Variants in PHF1 observed in about 807,000 individuals in gnomAD.
The protein encoded by PHF1 is polycomb-like 1.
In PHF1, 16 loss-of-function variants were observed where a neutral mutation model predicts 69.4. The observed-to-expected ratio is 0.23, with a 90% CI of 0.16 to 0.35. The LOEUF is 0.35. Among genes scored for constraint, PHF1 ranks in the 10% least tolerant of loss-of-function variants. The probability of loss-of-function intolerance (pLI) is 1.00; values close to 1 mark genes in which losing one functional copy is unlikely to be tolerated. For synonymous variants in PHF1, 274 were observed against 275.0 expected, an observed-to-expected ratio of 1.00 and a Z score of 0.04; for missense variants, 515 against 732.8, an observed-to-expected ratio of 0.70 and a Z score of 3.43.
rs545536336 is a variant in PHF1, at chr6:33,412,248, G to GC, written c.-9dup. On this transcript the variant is annotated splice_region_variant and 5_prime_UTR_variant, in exon 2 of 15. Transcript: ENST00000374516. The surrounding 1 kb of genome is among the most constrained non-coding windows in gnomAD (Gnocchi z 4.2). Reference sequence around the variant, plus strand: ...TCCTCCCCATTTCTTTTCTGGCTAGGCCCCCCCAGGATGCAATGGCGCAGC... The same window carrying GC: ...TCCTCCCCATTTCTTTTCTGGCTAGGCCCCCCCCAGGATGCAATGGCGCAGC... The GC allele has an allele frequency of 7.1e-5, 113 of 1,600,318 alleles. 1 individual carries two copies. The East Asian group carries it at 1.9e-3, about 27-fold the overall frequency.
rs1014869486 is a variant in PHF1, at chr6:33,414,175, A to G, written c.752+66A>G. On this transcript the variant is annotated intron_variant, in intron 8 of 14. Transcript: ENST00000374516. This position sits in a 1 kb window ranked among gnomAD's most constrained non-coding sequence, Gnocchi z 5.0. ...ACAGTATTTCACTCTATATGCCCCA[A>G]CCTCCCACCTCAGGACTCCCCTGGC... 5 of 1,612,972 alleles carry G rather than the reference A, an allele frequency of 3.1e-6. No homozygotes were observed. The African/African-American group carries it at 4.0e-5, about 13-fold the overall frequency.
intron 1 of PHF1, among the ~76,000 whole-genome samples, chr6:33,411,741 G>C (rs981547943): frequency 2.0e-5 from 3 of 152,192 alleles, no homozygotes; most frequent in Non-Finnish European, 4.4e-5. Flanking sequence ...AGGAGAGCCA[G>C]TCACTAGAGT....
rs574314174 is a variant in PHF1 at position 33,416,294 on chromosome 6, A to T, written c.*196A>T. On this transcript the variant is annotated 3_prime_UTR_variant, in exon 15 of 15. Transcript: ENST00000374516. ...TCCTTCATGATTCCTGACCCCTCCC[A>T]TCCTTCCCATTTCCTTTGATGTTAT... The T allele has an allele frequency of 2.0e-6, 1 of 489,410 alleles. No individual in the cohort carries two copies. Among genetic ancestry groups the T allele is most frequent in the South Asian group, 4.3e-5 (1 of 23,254 alleles). The allele number at this position is 489,410 out of a possible 1,614,324, so 30.3% of individuals were successfully genotyped here. A position where few individuals can be genotyped will look rare whatever the true frequency, so the allele number is the denominator to read the frequency against.
In PHF1 at chr6:33,414,184, C is replaced by T; in HGVS notation, c.753-59C>T. ...CACTCTATATGCCCCAACCTCCCACCTCAGGACTCCCCTGGCTCTTAAAAT... is the reference window on the plus strand; with the variant it reads ...CACTCTATATGCCCCAACCTCCCACTTCAGGACTCCCCTGGCTCTTAAAAT... On this transcript the variant is annotated intron_variant, in intron 8 of 14. Transcript: ENST00000374516. The surrounding 1 kb of genome is among the most constrained non-coding windows in gnomAD (Gnocchi z 5.0). 1 of 1,613,944 alleles carries T rather than the reference C, an allele frequency of 6.2e-7. No individual in the cohort carries two copies. The highest frequency in any genetic ancestry group is 8.5e-7 in the Non-Finnish European group (1 of 1,179,824).
Position 33,414,267 on chromosome 6 carries a change from G to C in PHF1, c.777G>C (p.Leu259=). 1.2e-6 allele frequency: 2 copies of C among 1,614,060 alleles called. No homozygotes were observed. Among genetic ancestry groups the C allele is most frequent in the Non-Finnish European group, 1.7e-6 (2 of 1,180,016 alleles). The change falls in exon 9 of 15, where the codon CTG becomes CTC. Residue 259 remains leucine (L), a synonymous_variant. Coordinates refer to ENST00000374516, the MANE Select transcript of PHF1 (RefSeq NM_024165.3). This position sits in a 1 kb window ranked among gnomAD's most constrained non-coding sequence, Gnocchi z 5.0. The part of the protein sequence containing the change: ...LRWVDVAHLV[L]YHLSVCCKKK... ...GGGTGGATGTGGCCCATCTTGTCCTGTATCACCTCAGTGTTTGCTGTAAGA... is the reference window on the plus strand; with the variant it reads ...GGGTGGATGTGGCCCATCTTGTCCTCTATCACCTCAGTGTTTGCTGTAAGA...
chr6:33,412,396 C>T lies in PHF1; in HGVS notation c.133C>T (p.Leu45=). 6.2e-7 allele frequency: 1 copy of T among 1,614,224 alleles called. No homozygotes were observed. The highest frequency in any genetic ancestry group is 1.1e-5 in the South Asian group (1 of 91,082). ...QDVLARWTDG[L]LYLGTIKKVD... is the part of the protein sequence containing the mutation. ...TGTGCTGGCCAGATGGACTGATGGG[C>T]TGCTATACTTGGGTACCATCAAAAA... The change falls in exon 2 of 15, where the codon CTG becomes TTG. Residue 45 remains leucine, a synonymous_variant. Coordinates refer to ENST00000374516, the MANE Select transcript of PHF1 (RefSeq NM_024165.3). The surrounding 1 kb of genome is among the most constrained non-coding windows in gnomAD (Gnocchi z 4.2).
In PHF1 at chr6:33,415,011, G is replaced by T. The variant is rs553949897; in HGVS notation, c.1106G>T (p.Arg369Leu). ...GTCTCACGTCCCCTGGGGAAGCGCCGGAGGCCGGAGCCAGAGCCCCTGAGG... is the reference window on the plus strand; with the variant it reads ...GTCTCACGTCCCCTGGGGAAGCGCCTGAGGCCGGAGCCAGAGCCCCTGAGG... Reference protein sequence around the residue: ...GGVSRPLGKRRRPEPEPLRRR... With the variant: ...GGVSRPLGKRLRPEPEPLRRR... The change falls in exon 12 of 15, where the codon CGG becomes CTG. Residue 369 changes from arginine to leucine, a missense_variant. By Grantham distance (102) the Arg-to-Leu change is moderately radical. Transcript: ENST00000374516. 3 of 1,568,152 alleles carry T rather than the reference G, an allele frequency of 1.9e-6. No homozygotes were observed. The highest frequency in any genetic ancestry group is 2.6e-6 in the Non-Finnish European group (3 of 1,156,846).
chr6:33,415,702 T>C (rs1410948917), intron 14 of PHF1, 32 bp downstream of exon 14: 1 of 1,610,856 alleles, frequency 6.2e-7, no homozygotes, highest in Non-Finnish European at 8.5e-7. Context: ...CCAGTGATGC[T>C]CTTCTTCCCC....
In PHF1 at chr6:33,412,186, A is replaced by G; in HGVS notation, c.-16-62A>G. 8.2e-7 allele frequency: 1 copy of G among 1,223,642 alleles called. No homozygotes were observed. Among genetic ancestry groups the G allele is most frequent in the Non-Finnish European group, 1.2e-6 (1 of 867,476 alleles). The allele number at this position is 1,223,642 out of a possible 1,614,324, so 75.8% of individuals were successfully genotyped here. On this transcript the variant is annotated intron_variant, in intron 1 of 14. Transcript: ENST00000374516. This position sits in a 1 kb window ranked among gnomAD's most constrained non-coding sequence, Gnocchi z 4.2. ...CAGGAAAAAAAAAAAAAAAAGAAAA[A>G]GAAAATGGGGAAGGTTTCTCAGCAT... is the stretch of plus-strand genomic sequence containing the variant.
Position 33,415,042 on chromosome 6 carries a change from G to A in PHF1, c.1137G>A (p.Arg379=), listed in dbSNP as rs1383902370. The part of the protein sequence containing the change: ...RRPEPEPLRR[R]QKGKVEELGP... ...CGGAGCCAGAGCCCCTGAGGAGGAG[G>A]CAGAAGGGGAAAGTGGAGGAGCTGG... is the stretch of plus-strand genomic sequence containing the variant. Residue 379 remains arginine, a synonymous_variant, in exon 12 of 15, where the codon AGG becomes AGA. Coordinates refer to ENST00000374516, the MANE Select transcript of PHF1 (RefSeq NM_024165.3). 12 of 1,594,378 alleles carry A rather than the reference G, an allele frequency of 7.5e-6. No individual in the cohort carries two copies. Among genetic ancestry groups the A allele is most frequent in the Admixed American group, 1.8e-5 (1 of 56,012 alleles).
chr6:33,415,688 A>T lies in PHF1; in HGVS notation c.1415+18A>T. 6.2e-7 allele frequency: 1 copy of T among 1,611,988 alleles called. No individual in the cohort carries two copies. On this transcript the variant is annotated intron_variant, in intron 14 of 14. Transcript: ENST00000374516. ...CCAGACAGGTGAGATTCTGTCTTCT[A>T]TTACCAGTGATGCTCTTCTTCCCCT...
At chr6:33,413,387 C>A (rs764788552) in intron 5 of PHF1, 22 bp from the exon 6 acceptor site, 1 of 1,613,770 alleles carries the variant, frequency 6.2e-7, no homozygotes, top group Admixed American at 1.7e-5. Flanking sequence ...TCTGAAGCCA[C>A]CCACCTGTCC....
chr6:33,415,461 C>T, intron 13 of PHF1, 129 bp from the exon 14 acceptor site: 1 of 1,232,406 alleles, frequency 8.1e-7, no homozygotes. Flanking sequence ...ACTTCTAGAA[C>T]TAGTGTCTGG....
In PHF1 at chr6:33,415,979, G is replaced by C. The variant is rs1196912966; in HGVS notation, c.1585G>C (p.Val529Leu). The C allele has an allele frequency of 3.1e-6, 5 of 1,613,964 alleles. No homozygotes were observed. The highest frequency in any genetic ancestry group is 3.3e-5 in the Admixed American group (2 of 59,996). Residue 529 changes from valine (V) to leucine (L), a missense_variant, in exon 15 of 15, where the codon GTC becomes CTC. By Grantham distance (32) the Val-to-Leu change is conservative. Transcript: ENST00000374516. ...RSLSPGTGGG[V>L]RGGVGYLSRG... ...TTTGTCTCCTGGGACTGGGGGAGGA[G>C]TCCGAGGTGGGGTTGGTTACCTGTC...
chr6:33,415,372 T>C (rs1248047669), intron 13 of PHF1, 43 bp downstream of exon 13: 2 of 1,457,750 alleles, frequency 1.4e-6, no homozygotes, highest in East Asian at 4.5e-5. Context: ...ATGCTCCCAA[T>C]TATTCACATC....
chr6:33,411,180 C>T lies in PHF1; in HGVS notation c.-52C>T, dbSNP rs1186113479. On this transcript the variant is annotated 5_prime_UTR_variant, in exon 1 of 15. Coordinates refer to ENST00000374516, the MANE Select transcript of PHF1 (RefSeq NM_024165.3). ...GACTCGCCTAGGTCTCCTACGTCTG[C>T]CCCTGCCCGGCTCCCGGCGGCCCCA... is the stretch of plus-strand genomic sequence containing the variant. The T allele has an allele frequency of 1.3e-5, 2 of 152,078 alleles. No homozygotes were observed. The highest frequency in any genetic ancestry group is 2.9e-5 in the Non-Finnish European group (2 of 67,994). 9.4% of individuals were successfully genotyped at this position (152,078 alleles called of 1,614,324 possible).
chr6:33,415,424 T>G, intron 13 of PHF1, 95 bp downstream of exon 13: 1 of 1,245,706 alleles, frequency 8.0e-7, no homozygotes, highest in Non-Finnish European at 1.2e-6. Flanking sequence ...CTCTCCCCCT[T>G]GGCTACCCAC....
rs1179846787 is a variant in PHF1, at chr6:33,415,029, C to T, written c.1124C>T (p.Pro375Leu). 1.3e-6 allele frequency: 2 copies of T among 1,583,824 alleles called. No individual in the cohort carries two copies. The highest frequency in any genetic ancestry group is 1.7e-6 in the Non-Finnish European group (2 of 1,165,384). Residue 375 changes from proline to leucine, a missense_variant, in exon 12 of 15, where the codon CCC becomes CTC. Transcript: ENST00000374516. ...AAGCGCCGGAGGCCGGAGCCAGAGC[C>T]CCTGAGGAGGAGGCAGAAGGGGAAA... Reference protein sequence around the residue: ...LGKRRRPEPEPLRRRQKGKVE... With the variant: ...LGKRRRPEPELLRRRQKGKVE...
Position 33,416,160 on chromosome 6 carries a change from G to A in PHF1, c.*62G>A. ...CCGGCACTTTCATACCCTGACCTCT[G>A]ACCTCACCTACAGCTGGGATGTACC... On this transcript the variant is annotated 3_prime_UTR_variant, in exon 15 of 15. Transcript: ENST00000374516. 1 of 1,378,496 alleles carries A rather than the reference G, an allele frequency of 7.3e-7. No homozygotes were observed. The highest frequency in any genetic ancestry group is 9.7e-7 in the Non-Finnish European group (1 of 1,026,704). The allele number at this position is 1,378,496 out of a possible 1,614,324, so 85.4% of individuals were successfully genotyped here. A position where few individuals can be genotyped will look rare whatever the true frequency, so the allele number is the denominator to read the frequency against.
Sources: allele counts gnomAD v4.1 joint callset (sites outside exome capture counted in the v4.1 genomes callset), GRCh38; gene constraint gnomAD v4.1.1; non-coding constraint Gnocchi (gnomAD v3.1); transcripts MANE v1.5; gene names NCBI Gene and HGNC (gene_info 2026-07-23, HGNC 2026-07-21).